NXN: variants seen among roughly 807,000 people sequenced by gnomAD.
NXN encodes nucleoredoxin, also known as nucleoredoxin 1.
NXN carries 16 observed loss-of-function variants against 48.6 expected under a neutral mutation model. That is an observed-to-expected ratio of 0.33 (90% confidence interval 0.22 to 0.50). NXN has a LOEUF of 0.50. Among genes scored for constraint, NXN ranks in the 20% least tolerant of loss-of-function variants. The pLI, the probability that NXN is intolerant of heterozygous loss-of-function variation, is 0.98. For synonymous variants in NXN, 281 were observed against 269.6 expected (o/e 1.04, Z -0.41); for missense variants, 492 against 605.5 (o/e 0.81, Z 1.97).
chr17:913,782 T>A (rs2068659159), intron 1 of NXN, among the ~76,000 whole-genome samples: 1 of 152,172 alleles, frequency 6.6e-6, no homozygotes, highest in Admixed American at 6.5e-5. Flanking sequence ...AGAAAAAAAA[T>A]GTGTAAACAA....
intron 6 of NXN, 121 bp downstream of exon 6, chr17:804,947 A>C (rs944270220): frequency 2.8e-6 from 3 of 1,072,950 alleles, no homozygotes; most frequent in African/African-American, 3.2e-5. Context: ...GGAGAGACAA[A>C]GGCCCAGGCT....
chr17:814,380 G>A (rs756712938), intron 5 of NXN, among the ~76,000 whole-genome samples: 22 of 152,172 alleles, frequency 1.4e-4, no homozygotes, highest in Non-Finnish European at 2.9e-4. Context: ...CTCACATCCA[G>A]GAAGGAACTC....
intron 1 of NXN, chr17:842,449 C>G (rs1287917059): frequency 1.1e-6 from 1 of 918,702 alleles, no homozygotes; most frequent in Non-Finnish European, 1.3e-6. Context: ...GTTCCGTGAT[C>G]CCGGCGGGGA....
intron 5 of NXN, among the ~76,000 whole-genome samples, chr17:808,244 T>C (rs1911690754): frequency 6.6e-6 from 1 of 151,680 alleles, no homozygotes; most frequent in Non-Finnish European, 1.5e-5. Flanking sequence ...CCATTTCCCT[T>C]TCTCCCCCTT....
intron 1 of NXN, among the ~76,000 whole-genome samples, chr17:839,791 C>A (rs1405888701): frequency 2.1e-4 from 12 of 57,038 alleles, no homozygotes; most frequent in Non-Finnish European, 3.7e-4. Flanking sequence ...GACAGAGAGA[C>A]CTTGTTAAAA....
At chr17:811,000 T>A (rs1037831255) in intron 5 of NXN, among the ~76,000 whole-genome samples, 1 of 152,196 alleles carries the variant, frequency 6.6e-6, no homozygotes, top group Non-Finnish European at 1.5e-5. Context: ...GTTTCATTTT[T>A]ATATAAACAG....
chr17:915,202 G>A (rs2068675709), intron 1 of NXN, among the ~76,000 whole-genome samples: 1 of 152,214 alleles, frequency 6.6e-6, no homozygotes, highest in African/African-American at 2.4e-5. Flanking sequence ...CAAAAGTGCT[G>A]GGATTACAGG....
intron 1 of NXN, 142 bp from the exon 2 acceptor site, chr17:826,220 C>T (rs903836777): frequency 1.3e-5 from 9 of 718,650 alleles, no homozygotes; most frequent in Non-Finnish European, 2.3e-5. Context: ...CCAAGCAGGG[C>T]TGCTGGGCAA....
chr17:972,811 C>T (rs533977100), intron 1 of NXN, among the ~76,000 whole-genome samples: 1 of 152,312 alleles, frequency 6.6e-6, no homozygotes, highest in East Asian at 1.9e-4. Flanking sequence ...GCGGGTGGAT[C>T]ACGAGGTCAG....
At chr17:842,044 G>A (rs1914355551) in intron 1 of NXN, among the ~76,000 whole-genome samples, 1 of 152,252 alleles carries the variant, frequency 6.6e-6, no homozygotes, top group East Asian at 1.9e-4. Flanking sequence ...GCTGCGGCAG[G>A]AGAATCGCTT....
At chr17:886,384 T>A (rs1166939714) in intron 1 of NXN, among the ~76,000 whole-genome samples, 1 of 152,186 alleles carries the variant, frequency 6.6e-6, no homozygotes, top group East Asian at 1.9e-4. Context: ...GGAATATTTA[T>A]TCCAAGAGAC....
At chr17:896,855 C>CCCGGGGGGGGCGGCCCCGCGG in intron 1 of NXN, 1 of 1,102,006 alleles carries the variant, frequency 9.1e-7, no homozygotes, top group African/African-American at 1.7e-5. Flanking sequence ...GCGGTCCTGA[C>CCCGGGGGGGGCGGCCCCGCGG]CACCCGCCCC....
chr17:947,944 G>A (rs147312337), intron 1 of NXN, among the ~76,000 whole-genome samples: 55 of 150,894 alleles, frequency 3.6e-4, no homozygotes, highest in Admixed American at 1.1e-3. Flanking sequence ...CCAGCTACTC[G>A]GGAGGCTGAG....
chr17:871,026 A>AT (rs1340416225), intron 1 of NXN, among the ~76,000 whole-genome samples: 4 of 150,932 alleles, frequency 2.7e-5, no homozygotes, highest in East Asian at 2.0e-4. Context: ...GCCCAGCTAA[A>AT]TTTTTTTTGT....
Position 979,425 on chromosome 17 carries a change from C to T in NXN, c.254G>A (p.Arg85His). The T allele has an allele frequency of 7.4e-7, 1 of 1,346,354 alleles. No individual in the cohort carries two copies. The highest frequency in any genetic ancestry group is 9.7e-7 in the Non-Finnish European group (1 of 1,034,914). 83.4% of individuals were successfully genotyped at this position (1,346,354 alleles called of 1,614,324 possible). Residue 85 changes from arginine (R) to histidine (H), a missense_variant, in exon 1 of 8, where the codon CGC (arginine) becomes CAC (histidine). Coordinates refer to ENST00000336868, the MANE Select transcript of NXN (RefSeq NM_022463.5). Reference sequence around the variant, plus strand: ...CGAGGACACGAAGACGATCTCCAGGCGCCGCCGCGGCTCGGGCTCCGCCGC... The same window carrying T: ...CGAGGACACGAAGACGATCTCCAGGTGCCGCCGCGGCTCGGGCTCCGCCGC... Reference protein sequence around the residue: ...GAAAEPEPRRRLEIVFVSSDQ... With the variant: ...GAAAEPEPRRHLEIVFVSSDQ...
chr17:810,771 C>T (rs1482369084), intron 5 of NXN, among the ~76,000 whole-genome samples: 1 of 152,120 alleles, frequency 6.6e-6, no homozygotes, highest in Non-Finnish European at 1.5e-5. Flanking sequence ...CCCCTGTACT[C>T]CCAGCTACTC....
chr17:816,190 C>G (rs556067937), intron 5 of NXN, among the ~76,000 whole-genome samples: 1 of 152,298 alleles, frequency 6.6e-6, no homozygotes, highest in South Asian at 2.1e-4. Context: ...TTCCCACTGT[C>G]CAGTTACAAT....
rs572697620 is a variant in NXN at position 822,350 on chromosome 17, G to T, written c.713+7C>A. ...AAAGGGGCCCAGCACTTCACGGCAC[G>T]ACTGACCTGTCTGCACTAACGAAGA... On this transcript the variant is annotated splice_region_variant and intron_variant, in intron 4 of 7. Coordinates refer to ENST00000336868, the MANE Select transcript of NXN (RefSeq NM_022463.5). 6.2e-7 allele frequency: 1 copy of T among 1,607,284 alleles called. No homozygotes were observed. The highest frequency in any genetic ancestry group is 1.1e-5 in the South Asian group (1 of 90,920).
intron 1 of NXN, among the ~76,000 whole-genome samples, chr17:855,400 G>A (rs2067974652): frequency 6.6e-6 from 1 of 152,204 alleles, no homozygotes; most frequent in African/African-American, 2.4e-5. Context: ...GTTACAAGCA[G>A]AGGGAAGTAA....
Sources: allele counts gnomAD v4.1 joint callset (sites outside exome capture counted in the v4.1 genomes callset), GRCh38; gene constraint gnomAD v4.1.1; transcripts MANE v1.5; gene names NCBI Gene and HGNC (gene_info 2026-07-23, HGNC 2026-07-21).